The following CACNA1E variants were observed in gnomAD, a reference collection of about 807,000 sequenced individuals.
CACNA1E encodes voltage-dependent R-type calcium channel subunit alpha-1E.
In CACNA1E, 40 loss-of-function variants were observed where a neutral mutation model predicts 259.2. The ratio of observed to expected loss-of-function variants is 0.15; its 90% CI spans 0.12 to 0.20. CACNA1E has a LOEUF of 0.20. CACNA1E is among the 10% of genes least tolerant of loss of function. The pLI, the probability that CACNA1E is intolerant of heterozygous loss-of-function variation, is 1.00. For synonymous variants in CACNA1E, 1,104 were observed against 1,138.5 expected (o/e 0.97, Z 0.61); for missense variants, 1,874 against 3,040.1 (o/e 0.62, Z 9.02).
At chr1:181,702,470 G>A (rs1652363298) in intron 7 of CACNA1E, among the ~76,000 whole-genome samples, 1 of 152,106 alleles carries the variant, frequency 6.6e-6, no homozygotes, top group South Asian at 2.1e-4. Flanking sequence ...AACTTAAGTT[G>A]TGGGACTCCT....
At chr1:181,471,950 C>A (rs749841815) in intron 2 of CACNA1E, among the ~76,000 whole-genome samples, 3 of 151,976 alleles carry the variant, frequency 2.0e-5, no homozygotes, top group Admixed American at 1.3e-4. Context: ...GTATCTGCAC[C>A]CTCATGTTCA....
At chr1:181,355,587 C>CAAACA (rs142997966) in intron 1 of CACNA1E, among the ~76,000 whole-genome samples, 3,977 of 148,578 alleles carry the variant, frequency 0.027, 65 homozygotes, top group African/African-American at 0.047. Context: ...GACTCCATCT[C>CAAACA]AAACAAAACA....
At chr1:181,492,935 T>C (rs1164984641) in intron 1 of CACNA1E, among the ~76,000 whole-genome samples, 1 of 152,216 alleles carries the variant, frequency 6.6e-6, no homozygotes, top group Admixed American at 6.5e-5. Context: ...GAGTATGACC[T>C]GAATAAATGT....
At chr1:181,623,698 T>A (rs894338501) in intron 6 of CACNA1E, among the ~76,000 whole-genome samples, 8 of 152,200 alleles carry the variant, frequency 5.3e-5, no homozygotes, top group Non-Finnish European at 1.2e-4. Flanking sequence ...TGTAGTCTAT[T>A]AAGTGTGCAA....
At chr1:181,614,078 T>C (rs1654994849) in intron 6 of CACNA1E, among the ~76,000 whole-genome samples, 1 of 152,250 alleles carries the variant, frequency 6.6e-6, no homozygotes, top group Non-Finnish European at 1.5e-5. Context: ...TATGCCTTGC[T>C]TATAGCAATC....
At chr1:181,430,104 A>C (rs1300696117) in intron 2 of CACNA1E, among the ~76,000 whole-genome samples, 1 of 152,188 alleles carries the variant, frequency 6.6e-6, no homozygotes, top group Non-Finnish European at 1.5e-5. Flanking sequence ...GTTAGAAGGC[A>C]ACTGGAACAT....
chr1:181,575,660 G>A (rs887385243), intron 3 of CACNA1E, among the ~76,000 whole-genome samples: 2 of 152,142 alleles, frequency 1.3e-5, no homozygotes, highest in Non-Finnish European at 2.9e-5. Context: ...GGCTTTTTAT[G>A]ATATGAAAAG....
chr1:181,459,373 G>A (rs2102367342), intron 2 of CACNA1E, among the ~76,000 whole-genome samples: 1 of 152,378 alleles, frequency 6.6e-6, no homozygotes, highest in Non-Finnish European at 1.5e-5. Flanking sequence ...CACATGTTCA[G>A]GTAGGGAGAA....
chr1:181,418,081 G>T (rs753567671), intron 2 of CACNA1E, among the ~76,000 whole-genome samples: 12 of 152,168 alleles, frequency 7.9e-5, no homozygotes, highest in Non-Finnish European at 1.6e-4. Flanking sequence ...TCCAATGGGT[G>T]TTCCTTCGTG....
At chr1:181,667,347 A>G (rs1572539059) in intron 7 of CACNA1E, among the ~76,000 whole-genome samples, 1 of 152,184 alleles carries the variant, frequency 6.6e-6, no homozygotes, top group Admixed American at 6.5e-5. Context: ...CACCTAGTAT[A>G]TGATCCCAAG....
intron 2 of CACNA1E, among the ~76,000 whole-genome samples, chr1:181,470,508 T>G (rs1180316229): frequency 6.6e-6 from 1 of 152,132 alleles, no homozygotes; most frequent in Non-Finnish European, 1.5e-5. Context: ...AGGCGTGAAC[T>G]GCCACATCTG....
At chr1:181,715,413 T>G (rs760290208) in intron 9 of CACNA1E, 22 bp downstream of exon 9, 1 of 1,474,050 alleles carries the variant, frequency 6.8e-7, no homozygotes, top group South Asian at 1.2e-5. Flanking sequence ...TTCTGATGCC[T>G]TATTCCAGTT....
At chr1:181,482,218 G>C (rs889994851), upstream of CACNA1E, among the ~76,000 whole-genome samples, 2 of 152,234 alleles carry the variant, frequency 1.3e-5, no homozygotes, top group African/African-American at 2.4e-5. Flanking sequence ...CGGCGACGCG[G>C]CCATGGCGCT....
intron 1 of CACNA1E, among the ~76,000 whole-genome samples, chr1:181,507,546 A>C (rs1457629287): frequency 2.0e-5 from 3 of 152,034 alleles, no homozygotes; most frequent in African/African-American, 7.2e-5. Context: ...GTGAGTGGAG[A>C]GTCAGGGGCA....
chr1:181,595,229 C>T (rs1320880436), intron 6 of CACNA1E, among the ~76,000 whole-genome samples: 1 of 152,140 alleles, frequency 6.6e-6, no homozygotes, highest in Non-Finnish European at 1.5e-5. Flanking sequence ...ATTCCTTCCC[C>T]AGGGGTCTCT....
At position 181,484,501 on chromosome 1, in the gene CACNA1E, GGGCCA is replaced by G. The variant is rs1338994867; in HGVS notation, c.266+492_266+496del. On this transcript the variant is annotated intron_variant, in intron 1 of 47. Transcript: ENST00000367573. ...GGATTTATCAGTTCAGAAGTTCCCA[GGGCCA>G]AAACCCTGTGTACAGATAGACAAAT... is the stretch of plus-strand genomic sequence containing the variant. 4.6e-5 allele frequency among the ~76,000 whole-genome samples: 7 copies of G among 152,338 alleles called. No individual in the cohort carries two copies. The East Asian group carries it at 1.4e-3, about 29-fold the overall frequency.
At chr1:181,533,780 G>T (rs748281817) in intron 3 of CACNA1E, among the ~76,000 whole-genome samples, 3 of 151,736 alleles carry the variant, frequency 2.0e-5, no homozygotes, top group Non-Finnish European at 4.4e-5. Flanking sequence ...TATGACTTGC[G>T]CATCTTTGTT....
At chr1:181,780,016 T>C (rs1660290837) in intron 38 of CACNA1E, among the ~76,000 whole-genome samples, 1 of 152,232 alleles carries the variant, frequency 6.6e-6, no homozygotes, top group African/African-American at 2.4e-5. Flanking sequence ...GTATGGAGTA[T>C]GATCCTAGTG....
At chr1:181,348,320 C>T (rs945809233) in intron 1 of CACNA1E, among the ~76,000 whole-genome samples, 13 of 151,860 alleles carry the variant, frequency 8.6e-5, no homozygotes, top group Non-Finnish European at 1.5e-4. Context: ...CAAACCAGGT[C>T]GCATCTAAAC....
Sources: allele counts gnomAD v4.1 joint callset (sites outside exome capture counted in the v4.1 genomes callset), GRCh38; gene constraint gnomAD v4.1.1; transcripts MANE v1.5; gene names NCBI Gene and HGNC (gene_info 2026-07-23, HGNC 2026-07-21).